Variants in PARP6 observed in about 807,000 individuals in gnomAD.
PARP6 encodes the protein protein mono-ADP-ribosyltransferase PARP6.
Under a neutral mutation model 92.0 loss-of-function variants are expected in PARP6, and 27 were observed. That is an observed-to-expected ratio of 0.29 (90% confidence interval 0.22 to 0.40). PARP6 has a LOEUF of 0.40. PARP6 is among the 10% of genes least tolerant of loss of function. The pLI is 1.00. For synonymous variants in PARP6, 272 were observed against 281.2 expected (o/e 0.97, Z 0.33); for missense variants, 501 against 784.5 (o/e 0.64, Z 4.32).
At position 72,265,102 on chromosome 15, in the gene PARP6, A is replaced by G. The variant is rs759323520; in HGVS notation, c.307T>C (p.Ser103Pro). 7.4e-6 allele frequency: 12 copies of G among 1,613,068 alleles called. No individual in the cohort carries two copies. Among genetic ancestry groups the G allele is most frequent in the Non-Finnish European group, 8.5e-7 (1 of 1,179,196 alleles). The change falls in exon 7 of 24, where the codon TCC (serine) becomes CCC (proline). Residue 103 changes from serine to proline, a missense_variant. By Grantham distance (74) the Ser-to-Pro change is moderately conservative. Transcript: ENST00000569795. ...TTACCTGGTCCATCTAGGTACTGGGAGAGAGAAAATCGCAGCCTCAACACA... is the reference window on the plus strand; with the variant it reads ...TTACCTGGTCCATCTAGGTACTGGGGGAGAGAAAATCGCAGCCTCAACACA... ...PIVLRLRFSLSQYLDGPEPSI... is the reference protein window; with the variant it reads ...PIVLRLRFSLPQYLDGPEPSI...
intron 5 of PARP6, 46 bp downstream of exon 5, chr15:72,265,851 G>T (rs956550899): frequency 7.8e-7 from 1 of 1,289,680 alleles, no homozygotes. Context: ...TAACAACTCA[G>T]AAAGAAGTGA....
At chr15:72,265,357 G>T in intron 6 of PARP6, 56 bp downstream of exon 6, 1 of 1,457,032 alleles carries the variant, frequency 6.9e-7, no homozygotes, top group South Asian at 1.1e-5. Flanking sequence ...TGGCCTACAT[G>T]ACAAATTCCA....
chr15:72,251,511 AAGGGGT>A (rs1424172830), intron 16 of PARP6, among the ~76,000 whole-genome samples: 3 of 152,112 alleles, frequency 2.0e-5, no homozygotes, highest in African/African-American at 7.2e-5. Context: ...GAAAAAAAAA[AAGGGGT>A]GGGAGGAGTG....
At chr15:72,267,400 G>C in intron 3 of PARP6, 75 bp downstream of exon 3, 1 of 1,513,998 alleles carries the variant, frequency 6.6e-7, no homozygotes, top group Non-Finnish European at 9.2e-7. Context: ...AAAATACCAA[G>C]AAAGGGTGAG....
rs2085713781 is a variant in PARP6, at chr15:72,260,462, T to TC, written c.756+15dup. On this transcript the variant is annotated intron_variant, in intron 10 of 23. Transcript: ENST00000569795. ...CCCTCCTGATAGCCAAGTCAAACCC[T>TC]CCCCAGCCCATGTACCAAAGGAGAG... 6.2e-7 allele frequency: 1 copy of TC among 1,603,838 alleles called. No homozygotes were observed. Among genetic ancestry groups the TC allele is most frequent in the Non-Finnish European group, 8.5e-7 (1 of 1,171,578 alleles).
In PARP6 at chr15:72,242,243, A is replaced by G. The variant is rs1430768542; in HGVS notation, c.1642-23T>C. On this transcript the variant is annotated intron_variant, in intron 21 of 23. Coordinates refer to ENST00000569795, the MANE Select transcript of PARP6 (RefSeq NM_001323532.2). This position sits in a 1 kb window ranked among gnomAD's most constrained non-coding sequence, Gnocchi z 4.3. ...GGTCTGGAAGAGAAGGAGGCAAAGG[A>G]GACCAGAGCCAGGTAGATGGGTACA... 6.2e-7 allele frequency: 1 copy of G among 1,604,734 alleles called. No individual in the cohort carries two copies. The highest frequency in any genetic ancestry group is 1.1e-5 in the South Asian group (1 of 90,888).
intron 4 of PARP6, 149 bp from the exon 5 acceptor site, chr15:72,266,140 C>A: frequency 1.5e-6 from 1 of 655,662 alleles, no homozygotes; most frequent in South Asian, 1.7e-5. Context: ...TGAAGGGGTT[C>A]TCAGTGGTGA....
chr15:72,258,937 T>C (rs1455324171), intron 11 of PARP6, among the ~76,000 whole-genome samples: 1 of 152,228 alleles, frequency 6.6e-6, no homozygotes, highest in African/African-American at 2.4e-5. Context: ...TAAAGGTTGT[T>C]TTCTCAGAAG....
At chr15:72,265,510 A>C (rs1438329268) in intron 5 of PARP6, 37 bp from the exon 6 acceptor site, 2 of 1,491,692 alleles carry the variant, frequency 1.3e-6, no homozygotes, top group Middle Eastern at 3.4e-4. Context: ...GAGACTCATT[A>C]AGGGAGAAAG....
Position 72,241,344 on chromosome 15 carries a change from T to C in PARP6, c.*111A>G. On this transcript the variant is annotated 3_prime_UTR_variant, in exon 24 of 24. Coordinates refer to ENST00000569795, the MANE Select transcript of PARP6 (RefSeq NM_001323532.2). The surrounding 1 kb of genome is among the most constrained non-coding windows in gnomAD (Gnocchi z 4.1). ...TCTTACATATCCTTTTCCTGCCCCT[T>C]GGTAATGGCCCCTTGATTCCTCAGG... is the stretch of plus-strand genomic sequence containing the variant. The C allele has an allele frequency of 1.3e-6, 1 of 769,212 alleles. No individual in the cohort carries two copies. Among genetic ancestry groups the C allele is most frequent in the Non-Finnish European group, 2.3e-6 (1 of 432,922 alleles). The allele number at this position is 769,212 out of a possible 1,614,324, so 47.6% of individuals were successfully genotyped here.
intron 14 of PARP6, among the ~76,000 whole-genome samples, chr15:72,254,820 A>G (rs2140986199): frequency 6.6e-6 from 1 of 152,166 alleles, no homozygotes; most frequent in Non-Finnish European, 1.5e-5. Context: ...TATATAAAGA[A>G]CTCTGTATAG....
chr15:72,264,181 C>T (rs903891377), intron 8 of PARP6, among the ~76,000 whole-genome samples: 3 of 152,160 alleles, frequency 2.0e-5, no homozygotes, highest in African/African-American at 7.2e-5. Context: ...TGCTTCATTT[C>T]TTTGCATACC....
At position 72,250,050 on chromosome 15, in the gene PARP6, C is replaced by T; in HGVS notation, c.1461G>A (p.Gly487=). 1 of 1,611,582 alleles carries T rather than the reference C, an allele frequency of 6.2e-7. No homozygotes were observed. The highest frequency in any genetic ancestry group is 1.3e-5 in the African/African-American group (1 of 74,976). ...GTTTGGTGTAGGATGCATTGACCAG[C>T]CCATTGCGCAGGATCGAATGCCAGT... ...IENWHSILRN[G]LVNASYTKLQ... is the part of the protein sequence containing the mutation. Residue 487 remains glycine, a synonymous_variant, in exon 19 of 24, where the codon GGG becomes GGA. Coordinates refer to ENST00000569795, the MANE Select transcript of PARP6 (RefSeq NM_001323532.2).
chr15:72,264,522 A>G (rs772903959), intron 8 of PARP6, 33 bp downstream of exon 8: 1 of 1,536,188 alleles, frequency 6.5e-7, no homozygotes, highest in Non-Finnish European at 9.0e-7. Context: ...CTTCCTTCAC[A>G]TGTCCATGAC....
intron 13 of PARP6, 58 bp from the exon 14 acceptor site, chr15:72,256,648 T>A: frequency 7.5e-7 from 1 of 1,337,298 alleles, no homozygotes; most frequent in Non-Finnish European, 9.9e-7. Context: ...GTACTGGGAG[T>A]CAGAGTACCC....
intron 8 of PARP6, among the ~76,000 whole-genome samples, chr15:72,261,974 G>C (rs1296715113): frequency 6.6e-6 from 1 of 152,120 alleles, no homozygotes; most frequent in African/African-American, 2.4e-5. Context: ...TCAAAGGTGA[G>C]CCTTCAAAGG....
At chr15:72,252,411 G>A (rs1052800610) in intron 16 of PARP6, among the ~76,000 whole-genome samples, 3 of 152,160 alleles carry the variant, frequency 2.0e-5, no homozygotes, top group African/African-American at 4.8e-5. Flanking sequence ...GCGAGATAAT[G>A]CATATGCTTA....
At chr15:72,260,221 A>C (rs928963054) in intron 10 of PARP6, among the ~76,000 whole-genome samples, 3 of 152,198 alleles carry the variant, frequency 2.0e-5, no homozygotes, top group African/African-American at 7.2e-5. Flanking sequence ...TGACAGGCTG[A>C]GGTAGGAGGA....
chr15:72,243,936 T>C (rs978705365), intron 20 of PARP6: 3 of 152,222 alleles, frequency 2.0e-5, no homozygotes, highest in African/African-American at 7.2e-5. Context: ...CTGATAGCTG[T>C]TGAACTGACA....
Sources: allele counts gnomAD v4.1 joint callset (sites outside exome capture counted in the v4.1 genomes callset), GRCh38; gene constraint gnomAD v4.1.1; non-coding constraint Gnocchi (gnomAD v3.1); transcripts MANE v1.5; gene names NCBI Gene and HGNC (gene_info 2026-07-23, HGNC 2026-07-21).